The following ADAM22 variants were observed in gnomAD, a reference collection of about 807,000 sequenced individuals.
ADAM22 encodes disintegrin and metalloproteinase domain-containing protein 22.
Under a neutral mutation model 144.6 loss-of-function variants are expected in ADAM22, and 65 were observed. The observed-to-expected ratio is 0.45, with a 90% CI of 0.37 to 0.55. The LOEUF (loss-of-function observed/expected upper bound fraction) is 0.55. Among genes scored for constraint, ADAM22 ranks in the 20% least tolerant of loss-of-function variants. The probability of loss-of-function intolerance (pLI) is 0.00; values close to 1 mark genes in which losing one functional copy is unlikely to be tolerated. For missense variants in ADAM22, 974 were observed against 1,184.9 expected, an observed-to-expected ratio of 0.82 and a Z score of 2.61; for synonymous variants, 391 against 412.6, an observed-to-expected ratio of 0.95 and a Z score of 0.63.
At position 88,193,224 on chromosome 7, in the gene ADAM22, C is replaced by T; in HGVS notation, c.2859C>T (p.Asn953=). The change falls in exon 31 of 32, where the codon AAC becomes AAT. Residue 953 remains asparagine (N), a synonymous_variant. Transcript: ENST00000413139. ...PPLPDEDKKV[N]RQSARLWETS... is the part of the protein sequence containing the mutation. ...TTCCTGATGAGGACAAGAAAGTGAA[C>T]CGACAAAGTGCCAGGGTATGTGGAA... 1 of 1,613,928 alleles carries T rather than the reference C, an allele frequency of 6.2e-7. No individual in the cohort carries two copies. Among genetic ancestry groups the T allele is most frequent in the Non-Finnish European group, 8.5e-7 (1 of 1,179,902 alleles).
chr7:88,193,325 T>A, intron 31 of ADAM22, 86 bp downstream of exon 31: 1 of 1,434,454 alleles, frequency 7.0e-7, no homozygotes, highest in Non-Finnish European at 9.3e-7. Flanking sequence ...AGAACCATTT[T>A]TCCTCCCTTG....
chr7:88,015,395 T>C (rs1796338145), intron 3 of ADAM22, among the ~76,000 whole-genome samples: 1 of 152,220 alleles, frequency 6.6e-6, no homozygotes, highest in South Asian at 2.1e-4. Context: ...GGATTCTGTC[T>C]CTGCTCATGT....
chr7:87,970,963 A>G (rs891686575), intron 2 of ADAM22, among the ~76,000 whole-genome samples: 2 of 152,174 alleles, frequency 1.3e-5, no homozygotes, highest in African/African-American at 4.8e-5. Context: ...CACAGCTTCT[A>G]TAAATGTCAG....
intron 5 of ADAM22, 32 bp downstream of exon 5, chr7:88,108,290 G>A: frequency 6.4e-7 from 1 of 1,563,906 alleles, no homozygotes; most frequent in East Asian, 2.3e-5. Flanking sequence ...TTTACTGTTT[G>A]TTTTTTCAAT....
intron 3 of ADAM22, among the ~76,000 whole-genome samples, chr7:87,985,384 C>G (rs1156447204): frequency 1.3e-5 from 2 of 151,832 alleles, no homozygotes; most frequent in African/African-American, 4.8e-5. Context: ...CAGTGATTTT[C>G]AGTACCTTTA....
At chr7:88,169,426 A>G (rs1466116239) in intron 25 of ADAM22, among the ~76,000 whole-genome samples, 3 of 152,066 alleles carry the variant, frequency 2.0e-5, no homozygotes, top group Admixed American at 6.6e-5. Context: ...TTCTTGTATC[A>G]TTAATGCTTG....
At chr7:87,955,489 C>G (rs925057783) in intron 2 of ADAM22, among the ~76,000 whole-genome samples, 1 of 152,168 alleles carries the variant, frequency 6.6e-6, no homozygotes, top group African/African-American at 2.4e-5. Context: ...GATCGTTCCT[C>G]TGGAAGTTTT....
intron 3 of ADAM22, among the ~76,000 whole-genome samples, chr7:88,035,173 T>G (rs1217299396): frequency 2.0e-5 from 3 of 152,216 alleles, no homozygotes; most frequent in African/African-American, 7.2e-5. Context: ...AATATGGTTT[T>G]TCTTCATGCC....
chr7:87,994,577 G>T (rs1309910199), intron 3 of ADAM22, among the ~76,000 whole-genome samples: 5 of 151,824 alleles, frequency 3.3e-5, no homozygotes, highest in Non-Finnish European at 7.4e-5. Flanking sequence ...TTTGATGTGG[G>T]TCTAATTCAT....
At chr7:88,185,854 C>A (rs556555190) in intron 29 of ADAM22, 7 of 152,320 alleles carry the variant, frequency 4.6e-5, no homozygotes, top group African/African-American at 1.4e-4. Context: ...CATGGTCAGA[C>A]ACTTGGAAGG....
At chr7:88,083,388 A>C (rs1817454167) in intron 4 of ADAM22, among the ~76,000 whole-genome samples, 1 of 152,016 alleles carries the variant, frequency 6.6e-6, no homozygotes, top group Non-Finnish European at 1.5e-5. Context: ...ACCTAATGCT[A>C]AATGATGAGT....
intron 3 of ADAM22, among the ~76,000 whole-genome samples, chr7:88,028,374 T>C (rs1799497167): frequency 1.3e-5 from 2 of 152,204 alleles, no homozygotes; most frequent in South Asian, 4.1e-4. Flanking sequence ...TTTTGAATGT[T>C]TTAAAGACTT....
intron 8 of ADAM22, 35 bp from the exon 9 acceptor site, chr7:88,128,567 C>CTGAA: frequency 6.4e-7 from 1 of 1,557,090 alleles, no homozygotes; most frequent in Non-Finnish European, 8.9e-7. Context: ...GTTTAGAGGG[C>CTGAA]TGAATTAGGT....
intron 2 of ADAM22, among the ~76,000 whole-genome samples, chr7:87,958,576 G>T (rs1232323167): frequency 6.6e-6 from 1 of 151,838 alleles, no homozygotes; most frequent in South Asian, 2.1e-4. Context: ...AGTAGAGATG[G>T]GGTTTCACCA....
intron 3 of ADAM22, among the ~76,000 whole-genome samples, chr7:88,034,223 A>T (rs1800968668): frequency 6.6e-6 from 1 of 152,164 alleles, no homozygotes; most frequent in Non-Finnish European, 1.5e-5. Flanking sequence ...GCTGCCGATT[A>T]TTCAGGGCCC....
At position 88,151,324 on chromosome 7, in the gene ADAM22, A is replaced by G. The variant is rs1277816771; in HGVS notation, c.1681+4A>G. The G allele has an allele frequency of 6.2e-7, 1 of 1,614,090 alleles. No homozygotes were observed. The highest frequency in any genetic ancestry group is 1.1e-5 in the South Asian group (1 of 91,082). On this transcript the variant is annotated splice_donor_region_variant and intron_variant, in intron 20 of 31. Coordinates refer to ENST00000413139, the MANE Select transcript of ADAM22 (RefSeq NM_001324418.2). Reference sequence around the variant, plus strand: ...TGCAAATACATTTGGGGGCAAAGTAAGTAAATAGTGTGGCTTGATCATTGT... The same window carrying G: ...TGCAAATACATTTGGGGGCAAAGTAGGTAAATAGTGTGGCTTGATCATTGT...
intron 8 of ADAM22, among the ~76,000 whole-genome samples, chr7:88,127,947 T>C (rs1830828962): frequency 6.6e-6 from 1 of 151,974 alleles, no homozygotes; most frequent in African/African-American, 2.4e-5. Context: ...AGAAAACTTG[T>C]TGGTGAGCAG....
intron 3 of ADAM22, among the ~76,000 whole-genome samples, chr7:88,049,467 T>C (rs6465127): frequency 0.49 from 74,605 of 152,014 alleles, 18,641 homozygotes; most frequent in East Asian, 0.64. Flanking sequence ...GGCACAATCT[T>C]GGCTCACTGC....
At chr7:88,168,976 G>A (rs1843582845) in intron 25 of ADAM22, among the ~76,000 whole-genome samples, 1 of 152,076 alleles carries the variant, frequency 6.6e-6, no homozygotes, top group Non-Finnish European at 1.5e-5. Flanking sequence ...TTTACCCCAT[G>A]CCTTTTAATG....
Sources: gnomAD v4.1 joint callset for allele counts (sites outside exome capture counted in the v4.1 genomes callset) on GRCh38, gnomAD v4.1.1 for gene constraint, MANE v1.5 for transcripts, NCBI Gene and HGNC (gene_info 2026-07-23, HGNC 2026-07-21) for gene names.